The following GRIN2B variants were observed in gnomAD, a reference collection of about 807,000 sequenced individuals.
The protein encoded by GRIN2B is glutamate ionotropic receptor NMDA type subunit 2B.
Under a neutral mutation model 114.5 loss-of-function variants are expected in GRIN2B, and 5 were observed. That is an observed-to-expected ratio of 0.04 (90% confidence interval 0.02 to 0.09). The LOEUF (loss-of-function observed/expected upper bound fraction) is 0.09, where lower values mean the gene tolerates loss of function less well. Among genes scored for constraint, GRIN2B ranks in the 10% least tolerant of loss-of-function variants. GRIN2B has a pLI of 1.00. For missense variants in GRIN2B, 1,108 were observed against 1,943.5 expected, an observed-to-expected ratio of 0.57 and a Z score of 8.08; for synonymous variants, 787 against 745.1, an observed-to-expected ratio of 1.06 and a Z score of -0.92.
rs1565608745 is a variant in GRIN2B, at chr12:13,981,395, G to T, written c.-501C>A. The T allele has an allele frequency of 6.6e-6, 1 of 152,102 alleles. No individual in the cohort carries two copies. Among genetic ancestry groups the T allele is most frequent in the Non-Finnish European group, 1.5e-5 (1 of 68,072 alleles). The allele number at this position is 152,102 out of a possible 1,614,324, so 9.4% of individuals were successfully genotyped here. A position where few individuals can be genotyped will look rare whatever the true frequency, so the allele number is the denominator to read the frequency against. On this transcript the variant is annotated 5_prime_UTR_variant, in exon 1 of 14. Coordinates refer to ENST00000609686, the MANE Select transcript of GRIN2B (RefSeq NM_000834.5). ...CTGCGGAGAGGGGTGGCCGGTGGCT[G>T]GGAATGGAGGGTTTTCCTTTCCTGC...
At chr12:13,677,029 G>A (rs1381982835) in intron 4 of GRIN2B, among the ~76,000 whole-genome samples, 1 of 152,162 alleles carries the variant, frequency 6.6e-6, no homozygotes, top group Non-Finnish European at 1.5e-5. Flanking sequence ...CATCTGATGA[G>A]CAGTCCCTTC....
chr12:13,567,387 G>C, intron 12 of GRIN2B, 124 bp from the exon 13 acceptor site: 1 of 688,010 alleles, frequency 1.5e-6, no homozygotes, highest in Non-Finnish European at 2.5e-6. Context: ...GAGACAAGGA[G>C]ACAAAAAGAA....
At chr12:13,686,172 G>T (rs556658212) in intron 4 of GRIN2B, among the ~76,000 whole-genome samples, 1 of 152,288 alleles carries the variant, frequency 6.6e-6, no homozygotes, top group African/African-American at 2.4e-5. Flanking sequence ...TCTAGACCAG[G>T]TTAGAATAAA....
intron 10 of GRIN2B, among the ~76,000 whole-genome samples, chr12:13,604,188 G>C (rs553699368): frequency 6.6e-6 from 1 of 152,148 alleles, no homozygotes; most frequent in Non-Finnish European, 1.5e-5. Flanking sequence ...CTGATGGAAC[G>C]TACAGTCGGG....
chr12:13,965,736 TA>T (rs1488260038), intron 2 of GRIN2B, among the ~76,000 whole-genome samples: 1 of 152,228 alleles, frequency 6.6e-6, no homozygotes, highest in Non-Finnish European at 1.5e-5. Context: ...TCATCTTTTC[TA>T]AATATAAAAA....
rs202222002 is a variant in GRIN2B at position 13,564,120 on chromosome 12, C to T, written c.3118G>A (p.Gly1040Ser). The change falls in exon 14 of 14, where the codon GGC becomes AGC. Residue 1040 changes from glycine to serine, a missense_variant. Around this residue, in one of 19 missense-constraint regions of GRIN2B, gnomAD observed 140 missense variants for 187.5 expected, o/e 0.75. Transcript: ENST00000609686. The surrounding 1 kb of genome is among the most constrained non-coding windows in gnomAD (Gnocchi z 4.8). Reference protein sequence around the residue: ...SKHSQLSDLYGKFSFKSDRYS... With the variant: ...SKHSQLSDLYSKFSFKSDRYS... ...CGGTCGCTCTTGAAGGAGAATTTGCCGTACAGGTCACTGAGCTGGCTGTGC... is the reference window on the plus strand; with the variant it reads ...CGGTCGCTCTTGAAGGAGAATTTGCTGTACAGGTCACTGAGCTGGCTGTGC... 1.4e-5 allele frequency: 22 copies of T among 1,614,018 alleles called. No homozygotes were observed. Among genetic ancestry groups the T allele is most frequent in the East Asian group, 1.3e-4 (6 of 44,862 alleles).
chr12:13,905,762 C>T (rs1426164442), intron 2 of GRIN2B, among the ~76,000 whole-genome samples: 1 of 152,170 alleles, frequency 6.6e-6, no homozygotes, highest in African/African-American at 2.4e-5. Context: ...GCAAATATAG[C>T]TTACAAGTAT....
At chr12:13,624,629 A>G (rs1391919671) in intron 5 of GRIN2B, among the ~76,000 whole-genome samples, 1 of 152,238 alleles carries the variant, frequency 6.6e-6, no homozygotes, top group Admixed American at 6.5e-5. Flanking sequence ...CCTTTGGCCT[A>G]TGACTGCCTC....
intron 4 of GRIN2B, among the ~76,000 whole-genome samples, chr12:13,712,410 T>C (rs1050979022): frequency 2.0e-5 from 3 of 151,626 alleles, no homozygotes; most frequent in Non-Finnish European, 2.9e-5. Flanking sequence ...ATAAAATATA[T>C]TATTAATGAA....
intron 2 of GRIN2B, among the ~76,000 whole-genome samples, chr12:13,898,020 AT>A (rs1866381204): frequency 1.3e-5 from 2 of 150,450 alleles, no homozygotes; most frequent in Middle Eastern, 3.2e-3. Flanking sequence ...AAATAAATAA[AT>A]AAATAAAAAA....
chr12:13,651,290 G>C (rs1404486752), intron 5 of GRIN2B, among the ~76,000 whole-genome samples: 3 of 152,058 alleles, frequency 2.0e-5, no homozygotes, highest in African/African-American at 7.2e-5. Flanking sequence ...AGTCTGTCCT[G>C]CATTAAAACC....
Position 13,546,975 on chromosome 12 carries a change from G to A in GRIN2B, c.*15808C>T, listed in dbSNP as rs1752119980. 6.6e-6 allele frequency: 1 copy of A among 152,124 alleles called. No homozygotes were observed. Among genetic ancestry groups the A allele is most frequent in the Admixed American group, 6.5e-5 (1 of 15,280 alleles). The allele number at this position is 152,124 out of a possible 1,614,324, so 9.4% of individuals were successfully genotyped here. ...TCACTATCCCAGCACTTGATCTTGA[G>A]TTGAAGCACTCAGGAACAAGACCTC... On this transcript the variant is annotated 3_prime_UTR_variant, in exon 14 of 14. Coordinates refer to ENST00000609686, the MANE Select transcript of GRIN2B (RefSeq NM_000834.5).
At chr12:13,791,569 G>C (rs1184707177) in intron 3 of GRIN2B, among the ~76,000 whole-genome samples, 51 of 152,002 alleles carry the variant, frequency 3.4e-4, no homozygotes, top group Non-Finnish European at 1.6e-4. Context: ...TTTCTTATTG[G>C]GGTACCTATA....
At chr12:13,739,438 C>T (rs888271478) in intron 4 of GRIN2B, among the ~76,000 whole-genome samples, 1 of 147,080 alleles carries the variant, frequency 6.8e-6, no homozygotes, top group African/African-American at 2.5e-5. Context: ...TTCTGATGAT[C>T]CTAACCAACC....
At chr12:13,931,681 C>T (rs560133826) in intron 2 of GRIN2B, among the ~76,000 whole-genome samples, 1 of 152,336 alleles carries the variant, frequency 6.6e-6, no homozygotes, top group African/African-American at 2.4e-5. Context: ...CAGACAAAAA[C>T]ACTTCCTGTT....
At chr12:13,639,508 C>A (rs1332271810) in intron 5 of GRIN2B, among the ~76,000 whole-genome samples, 1 of 152,194 alleles carries the variant, frequency 6.6e-6, no homozygotes, top group Non-Finnish European at 1.5e-5. Flanking sequence ...CGTTCCCACA[C>A]GTGTTCCACT....
At chr12:13,780,906 A>C (rs1307791835) in intron 3 of GRIN2B, among the ~76,000 whole-genome samples, 2 of 152,072 alleles carry the variant, frequency 1.3e-5, no homozygotes, top group East Asian at 3.8e-4. Context: ...ACTTGCAAAA[A>C]AGGGAAAAAA....
intron 4 of GRIN2B, among the ~76,000 whole-genome samples, chr12:13,739,851 G>C (rs766560302): frequency 1.3e-4 from 20 of 152,178 alleles, no homozygotes; most frequent in African/African-American, 4.8e-4. Context: ...TCACATCAAA[G>C]GGAAAAGGAA....
chr12:13,938,513 A>G (rs1452898495), intron 2 of GRIN2B, among the ~76,000 whole-genome samples: 1 of 152,222 alleles, frequency 6.6e-6, no homozygotes, highest in Non-Finnish European at 1.5e-5. Context: ...GTCCATAAAT[A>G]GTAAACAAAT....
Sources: gnomAD v4.1 joint callset for allele counts (sites outside exome capture counted in the v4.1 genomes callset) on GRCh38, gnomAD v4.1.1 for gene constraint, gnomAD v4.1.1 regional missense constraint, Gnocchi (gnomAD v3.1) non-coding constraint, MANE v1.5 for transcripts, NCBI Gene and HGNC (gene_info 2026-07-23, HGNC 2026-07-21) for gene names.